Variants in AADAT observed in about 807,000 individuals in gnomAD.
AADAT encodes the protein kynurenine/alpha-aminoadipate aminotransferase, mitochondrial.
A neutral mutation model predicts 56.2 loss-of-function variants in AADAT; 25 were observed. That is an observed-to-expected ratio of 0.44 (90% CI 0.32 to 0.62). The LOEUF (loss-of-function observed/expected upper bound fraction) is 0.62. Ranked by LOEUF, AADAT falls within the 20% of genes least tolerant of loss-of-function variation. The pLI, the probability that AADAT is intolerant of heterozygous loss-of-function variation, is 0.04. For synonymous variants in AADAT, 173 were observed against 164.7 expected, an observed-to-expected ratio of 1.05 and a Z score of -0.39; for missense variants, 387 against 510.5, an observed-to-expected ratio of 0.76 and a Z score of 2.33.
At chr4:170,068,564 A>AAG (rs777812492) in intron 8 of AADAT, 27 bp downstream of exon 8, 1 of 1,537,236 alleles carries the variant, frequency 6.5e-7, no homozygotes. Flanking sequence ...TTACAAAAAA[A>AAG]AAATCGATTT....
At chr4:170,076,746 G>A (rs1346128445) in intron 4 of AADAT, among the ~76,000 whole-genome samples, 3 of 151,962 alleles carry the variant, frequency 2.0e-5, no homozygotes, top group Non-Finnish European at 4.4e-5. Context: ...CTATTTTTGT[G>A]GTTGTCGTTG....
At chr4:170,086,393 G>C (rs1732562951) in intron 3 of AADAT, among the ~76,000 whole-genome samples, 2 of 150,180 alleles carry the variant, frequency 1.3e-5, no homozygotes, top group East Asian at 1.9e-4. Context: ...CTAATGCCAG[G>C]GGGAGAGGGA....
intron 3 of AADAT, among the ~76,000 whole-genome samples, chr4:170,079,659 G>GGAAGA (rs1429634861): frequency 6.6e-6 from 1 of 152,148 alleles, no homozygotes; most frequent in African/African-American, 2.4e-5. Context: ...AGGGAAATGA[G>GGAAGA]GAAGAGGAGG....
chr4:170,073,316 A>G lies in AADAT; in HGVS notation c.474T>C (p.Asn158=), dbSNP rs1731863793. Residue 158 remains asparagine (N), a synonymous_variant, in exon 5 of 13, where the codon AAT becomes AAC. Coordinates refer to ENST00000337664, the MANE Select transcript of AADAT (RefSeq NM_016228.4). The part of the protein sequence containing the change: ...SLHPLGCNII[N]VASDESGIVP... ...CAATCCCACTTTCATCACTGGCAAC[A>G]TTAATAATGTTGCAGCCCAGTGGGT... is the stretch of plus-strand genomic sequence containing the variant. The G allele has an allele frequency of 1.2e-6, 2 of 1,613,954 alleles. No individual in the cohort carries two copies. Among genetic ancestry groups the G allele is most frequent in the Admixed American group, 3.3e-5 (2 of 59,994 alleles).
intron 3 of AADAT, among the ~76,000 whole-genome samples, chr4:170,080,019 T>A (rs372638082): frequency 5.3e-5 from 8 of 152,062 alleles, no homozygotes; most frequent in South Asian, 2.1e-4. Flanking sequence ...GGAGGGAAAG[T>A]GGGCTGGAGG....
chr4:170,081,501 G>T (rs1732309939), intron 3 of AADAT, among the ~76,000 whole-genome samples: 1 of 152,052 alleles, frequency 6.6e-6, no homozygotes, highest in African/African-American at 2.4e-5. Flanking sequence ...CTACCTCAAG[G>T]CATATAAGAA....
At chr4:170,092,164 CG>C (rs1732870005), upstream of AADAT, among the ~76,000 whole-genome samples, 1 of 152,236 alleles carries the variant, frequency 6.6e-6, no homozygotes, top group Non-Finnish European at 1.5e-5. Flanking sequence ...CAGCCACCAG[CG>C]GTAACCCGCT....
chr4:170,071,868 G>GACAGGAAT (rs1243316614), intron 5 of AADAT, among the ~76,000 whole-genome samples: 1 of 152,130 alleles, frequency 6.6e-6, no homozygotes, highest in Non-Finnish European at 1.5e-5. Flanking sequence ...AGGAGGGAAC[G>GACAGGAAT]ACAGGAATAA....
At chr4:170,087,336 A>G (rs1732613515) in intron 2 of AADAT, 88 bp from the exon 3 acceptor site, 2 of 1,298,226 alleles carry the variant, frequency 1.5e-6, no homozygotes, top group Non-Finnish European at 2.1e-6. Context: ...CAGCTTTATC[A>G]AGCACTTTGT....
chr4:170,061,039 T>A, intron 12 of AADAT, 70 bp from the exon 13 acceptor site: 2 of 1,149,552 alleles, frequency 1.7e-6, no homozygotes, highest in Non-Finnish European at 2.4e-6. Context: ...GTAATAACTT[T>A]AAAAATCCAA....
At position 170,087,311 on chromosome 4, in the gene AADAT, G is replaced by A. The variant is rs1333137756; in HGVS notation, c.237-63C>T. The A allele has an allele frequency of 1.8e-5, 27 of 1,478,444 alleles. No individual in the cohort carries two copies. The South Asian group carries it at 2.7e-4, about 15-fold the overall frequency. 91.6% of individuals were successfully genotyped at this position (1,478,444 alleles called of 1,614,324 possible). A position where few individuals can be genotyped will look rare whatever the true frequency, so the allele number is the denominator to read the frequency against. On this transcript the variant is annotated intron_variant, in intron 2 of 12. Transcript: ENST00000337664. ...AAAATCATAGTAACAGTAGTAGACA[G>A]GAAATAATAAATGACAGCTTTATCA...
Position 170,089,758 on chromosome 4 carries a change from G to A in AADAT, c.-68C>T, listed in dbSNP as rs1315603799. The A allele has an allele frequency of 6.6e-7, 1 of 1,522,540 alleles. No homozygotes were observed. The highest frequency in any genetic ancestry group is 2.3e-5 in the East Asian group (1 of 44,270). 94.3% of individuals were successfully genotyped at this position (1,522,540 alleles called of 1,614,324 possible). On this transcript the variant is annotated 5_prime_UTR_variant, in exon 1 of 13. It adds an upstream start codon to the 5' untranslated region. Coordinates refer to ENST00000337664, the MANE Select transcript of AADAT (RefSeq NM_016228.4). ...AGGACTAGAAAAACCAAAGAGCCTC[G>A]TCAAGTCCTGCCTGCTAACTCCTCA...
At chr4:170,074,162 C>T (rs111912536) in intron 4 of AADAT, among the ~76,000 whole-genome samples, 8,893 of 152,150 alleles carry the variant, frequency 0.058, 342 homozygotes, top group Non-Finnish European at 0.09. Context: ...CTTCTTCTGA[C>T]GGAATTATCT....
intron 3 of AADAT, among the ~76,000 whole-genome samples, chr4:170,078,885 A>G (rs1184555437): frequency 6.6e-6 from 1 of 152,144 alleles, no homozygotes; most frequent in Non-Finnish European, 1.5e-5. Context: ...TGGCTCTCAA[A>G]CCATAGTTTG....
intron 10 of AADAT, among the ~76,000 whole-genome samples, chr4:170,065,870 GT>G (rs1169703723): frequency 2.6e-5 from 4 of 152,064 alleles, no homozygotes; most frequent in Non-Finnish European, 4.4e-5. Flanking sequence ...GCTATTTTTG[GT>G]TTACTATTAT....
At chr4:170,072,375 T>A (rs1207643583) in intron 5 of AADAT, among the ~76,000 whole-genome samples, 1 of 151,970 alleles carries the variant, frequency 6.6e-6, no homozygotes, top group African/African-American at 2.4e-5. Flanking sequence ...GGCTCAAGCA[T>A]CCTCCCACCT....
upstream of AADAT, among the ~76,000 whole-genome samples, chr4:170,094,183 G>A (rs568007390): frequency 2.0e-5 from 3 of 152,330 alleles, no homozygotes; most frequent in South Asian, 6.2e-4. Context: ...TGGAATGCAG[G>A]GGCACTGGGG....
intron 6 of AADAT, among the ~76,000 whole-genome samples, chr4:170,070,048 A>C (rs2111162527): frequency 6.6e-6 from 1 of 152,230 alleles, no homozygotes; most frequent in Non-Finnish European, 1.5e-5. Flanking sequence ...CCAGGACATA[A>C]ATGACAGGGT....
At chr4:170,069,273 G>T in intron 6 of AADAT, 43 bp from the exon 7 acceptor site, 1 of 1,486,924 alleles carries the variant, frequency 6.7e-7, no homozygotes, top group Non-Finnish European at 9.3e-7. Flanking sequence ...TGAAAGCTCT[G>T]TTAGTCACTG....
Sources: allele counts gnomAD v4.1 joint callset (sites outside exome capture counted in the v4.1 genomes callset), GRCh38; gene constraint gnomAD v4.1.1; transcripts MANE v1.5; gene names NCBI Gene and HGNC (gene_info 2026-07-23, HGNC 2026-07-21).